The following TAOK3 variants were observed in gnomAD, a reference collection of about 807,000 sequenced individuals.
The protein encoded by TAOK3 is TAO kinase 3.
In TAOK3, 40 loss-of-function variants were observed where a neutral mutation model predicts 120.4. That is an observed-to-expected ratio of 0.33 (90% CI 0.26 to 0.43). TAOK3 has a LOEUF of 0.43. Ranked by LOEUF, TAOK3 falls within the 20% of genes least tolerant of loss-of-function variation. The pLI is 1.00. For missense variants in TAOK3, 821 were observed against 1,112.1 expected, an observed-to-expected ratio of 0.74 and a Z score of 3.72; for synonymous variants, 355 against 387.5, an observed-to-expected ratio of 0.92 and a Z score of 0.99.
At chr12:118,310,704 TTATA>T (rs1566099433) in intron 1 of TAOK3, among the ~76,000 whole-genome samples, 1 of 152,184 alleles carries the variant, frequency 6.6e-6, no homozygotes, top group Non-Finnish European at 1.5e-5. Flanking sequence ...CATCCTTCTA[TTATA>T]TAAATAGGTT....
rs993168338 is a variant in TAOK3, at chr12:118,161,340, C to A, written c.2139+448G>T. Among the ~76,000 whole-genome samples the A allele has an allele frequency of 2.0e-5, 3 of 152,144 alleles. No homozygotes were observed. The highest frequency in any genetic ancestry group is 4.4e-5 in the Non-Finnish European group (3 of 68,026). On this transcript the variant is annotated intron_variant, in intron 18 of 20. Transcript: ENST00000392533. This position sits in a 1 kb window ranked among gnomAD's most constrained non-coding sequence, Gnocchi z 4.5. ...GGTAAATGCCTGGCACTTATAGATTCATTCCTGATGACCATGACAGACATC... is the reference window on the plus strand; with the variant it reads ...GGTAAATGCCTGGCACTTATAGATTAATTCCTGATGACCATGACAGACATC...
At chr12:118,351,490 A>T (rs1290760578) in intron 1 of TAOK3, among the ~76,000 whole-genome samples, 1 of 152,214 alleles carries the variant, frequency 6.6e-6, no homozygotes, top group African/African-American at 2.4e-5. Context: ...ATCAAAACAA[A>T]CTCAAAGCAT....
chr12:118,162,893 G>C (rs1287565585), intron 17 of TAOK3, among the ~76,000 whole-genome samples: 2 of 152,108 alleles, frequency 1.3e-5, no homozygotes, highest in Non-Finnish European at 2.9e-5. Flanking sequence ...TTCCTAAATA[G>C]CACTATATAT....
At position 118,215,330 on chromosome 12, in the gene TAOK3, C is replaced by CAA. The variant is rs759313035; in HGVS notation, c.644-1222_644-1221dup. Among the ~76,000 whole-genome samples, 456 of 89,566 alleles carry CAA rather than the reference C, an allele frequency of 5.1e-3. 5 individuals carry two copies. The highest frequency in any genetic ancestry group is 0.013 in the Middle Eastern group (2 of 154). 58.8% of individuals were successfully genotyped at this position (89,566 alleles called of 152,430 possible). On this transcript the variant is annotated intron_variant, in intron 9 of 20. Coordinates refer to ENST00000392533, the MANE Select transcript of TAOK3 (RefSeq NM_016281.4). ...CTAACACGGTGAAAGCCCGTCTCTA[C>CAA]AAAAAAAAAAAAAAAAAAGAAATAC...
intron 3 of TAOK3, among the ~76,000 whole-genome samples, chr12:118,250,222 A>C (rs2040689823): frequency 6.6e-6 from 1 of 152,026 alleles, no homozygotes; most frequent in African/African-American, 2.4e-5. Flanking sequence ...CGGCCTCCCA[A>C]AGTGCTGGGA....
chr12:118,193,729 G>A (rs183325646), intron 13 of TAOK3, among the ~76,000 whole-genome samples: 5 of 152,232 alleles, frequency 3.3e-5, no homozygotes, highest in South Asian at 2.1e-4. Context: ...AATTACAGGC[G>A]TGAGCCACCG....
chr12:118,180,146 C>A (rs1296216884), intron 15 of TAOK3, among the ~76,000 whole-genome samples: 1 of 151,476 alleles, frequency 6.6e-6, no homozygotes, highest in Non-Finnish European at 1.5e-5. Flanking sequence ...CGGGGTTTCA[C>A]CATGTTGGCC....
At chr12:118,225,411 C>T (rs1461436930) in intron 9 of TAOK3, among the ~76,000 whole-genome samples, 9 of 148,962 alleles carry the variant, frequency 6.0e-5, no homozygotes, top group Admixed American at 5.3e-4. Context: ...AAAAAAAATA[C>T]CCTTCTTTTA....
intron 11 of TAOK3, among the ~76,000 whole-genome samples, chr12:118,209,455 T>G (rs917115992): frequency 6.6e-6 from 1 of 152,124 alleles, no homozygotes; most frequent in African/African-American, 2.4e-5. Flanking sequence ...CAGGCTGGAG[T>G]GCAGGGGCAC....
At chr12:118,330,812 G>C (rs2141019512) in intron 1 of TAOK3, among the ~76,000 whole-genome samples, 1 of 150,886 alleles carries the variant, frequency 6.6e-6, no homozygotes, top group Admixed American at 6.6e-5. Context: ...AGGTTAAAAA[G>C]GCAATCTCAG....
chr12:118,172,118 A>G (rs1283524649), intron 17 of TAOK3, among the ~76,000 whole-genome samples: 1 of 152,212 alleles, frequency 6.6e-6, no homozygotes, highest in African/African-American at 2.4e-5. Flanking sequence ...ATGCGGAGTC[A>G]CAAAAATACA....
intron 1 of TAOK3, among the ~76,000 whole-genome samples, chr12:118,360,161 AGGCT>A: frequency 6.6e-6 from 1 of 152,096 alleles, no homozygotes; most frequent in East Asian, 1.9e-4. Flanking sequence ...GGTACTCGGG[AGGCT>A]GAGGCAGGAG....
chr12:118,202,773 C>CT (rs58282262), intron 11 of TAOK3, among the ~76,000 whole-genome samples: 7,888 of 100,262 alleles, frequency 0.079, 865 homozygotes, highest in African/African-American at 0.18. Context: ...ATAGTCTATT[C>CT]TTTTTTTTTT....
chr12:118,151,279 G>GCA, intron 20 of TAOK3, 121 bp from the exon 21 acceptor site: 3 of 486,340 alleles, frequency 6.2e-6, no homozygotes, highest in East Asian at 3.2e-5. Flanking sequence ...CACATGAAGT[G>GCA]CGCGCGCGCG....
intron 10 of TAOK3, among the ~76,000 whole-genome samples, chr12:118,213,578 T>A (rs2038735317): frequency 6.6e-6 from 1 of 152,110 alleles, no homozygotes; most frequent in East Asian, 1.9e-4. Flanking sequence ...TCTGAATAGA[T>A]AATGTATGCT....
chr12:118,267,884 C>CAAAAAAAAAAAA (rs60331520), intron 1 of TAOK3, among the ~76,000 whole-genome samples: 16 of 78,854 alleles, frequency 2.0e-4, no homozygotes, highest in Non-Finnish European at 3.1e-4. Context: ...GACTCCATCT[C>CAAAAAAAAAAAA]AAAAAAAAAA....
chr12:118,198,905 G>C (rs1377636057), intron 13 of TAOK3, 146 bp downstream of exon 13: 8 of 763,454 alleles, frequency 1.0e-5, no homozygotes, highest in African/African-American at 8.6e-5. Flanking sequence ...GTTACTTTTT[G>C]ACTGTAAGAA....
At chr12:118,349,826 T>C (rs2045057135) in intron 1 of TAOK3, among the ~76,000 whole-genome samples, 2 of 152,138 alleles carry the variant, frequency 1.3e-5, no homozygotes, top group African/African-American at 4.8e-5. Context: ...CAGCTTCAAT[T>C]TGTGGTATAA....
chr12:118,328,444 G>T (rs1593562376), intron 1 of TAOK3, among the ~76,000 whole-genome samples: 1 of 152,128 alleles, frequency 6.6e-6, no homozygotes, highest in Non-Finnish European at 1.5e-5. Flanking sequence ...CTTTCAGGGA[G>T]CTTGCAGTCT....
Sources: allele counts gnomAD v4.1 joint callset (sites outside exome capture counted in the v4.1 genomes callset), GRCh38; gene constraint gnomAD v4.1.1; non-coding constraint Gnocchi (gnomAD v3.1); transcripts MANE v1.5; gene names NCBI Gene and HGNC (gene_info 2026-07-23, HGNC 2026-07-21).